Variants in PRKCQ observed in about 807,000 individuals in gnomAD.
The protein encoded by PRKCQ is protein kinase C theta.
PRKCQ carries 41 observed loss-of-function variants against 91.2 expected under a neutral mutation model. That is an observed-to-expected ratio of 0.45 (90% confidence interval 0.35 to 0.58). PRKCQ has a LOEUF of 0.58. Ranked by LOEUF, PRKCQ falls within the 20% of genes least tolerant of loss-of-function variation. The pLI is 0.00. For synonymous variants in PRKCQ, 307 were observed against 316.9 expected, an observed-to-expected ratio of 0.97 and a Z score of 0.33; for missense variants, 673 against 896.5, an observed-to-expected ratio of 0.75 and a Z score of 3.18.
chr10:6,455,284 TG>T (rs1371088131), intron 15 of PRKCQ, among the ~76,000 whole-genome samples: 69 of 152,374 alleles, frequency 4.5e-4, no homozygotes, highest in African/African-American at 1.4e-3. Flanking sequence ...CCTGTATCTG[TG>T]CCAAACTGAA....
intron 8 of PRKCQ, chr10:6,489,578 G>A: frequency 2.2e-6 from 1 of 447,286 alleles, no homozygotes; most frequent in Admixed American, 2.5e-5. Flanking sequence ...GAGAGCTGGA[G>A]AAGAGGGCGA....
chr10:6,401,534 C>T, the PRKCQ span, among the ~76,000 whole-genome samples: 1 of 151,470 alleles, frequency 6.6e-6, no homozygotes, highest in Non-Finnish European at 1.5e-5. Flanking sequence ...AAATATTGAT[C>T]CATTTTCGTG....
At chr10:6,495,699 C>T (rs953161793) in intron 7 of PRKCQ, among the ~76,000 whole-genome samples, 2 of 151,940 alleles carry the variant, frequency 1.3e-5, no homozygotes, top group African/African-American at 4.8e-5. Context: ...AATCAGATAC[C>T]CAGTGAGGAT....
intron 16 of PRKCQ, among the ~76,000 whole-genome samples, chr10:6,441,629 G>A (rs759347634): frequency 3.4e-4 from 52 of 152,116 alleles, no homozygotes; most frequent in Non-Finnish European, 7.1e-4. Flanking sequence ...ATCTCCAGGT[G>A]AGCGTATTCA....
At position 6,483,420 on chromosome 10, in the gene PRKCQ, T is replaced by C; in HGVS notation, c.1179+20A>G. 1 of 1,614,004 alleles carries C rather than the reference T, an allele frequency of 6.2e-7. No homozygotes were observed. Among genetic ancestry groups the C allele is most frequent in the Non-Finnish European group, 8.5e-7 (1 of 1,179,940 alleles). ...AGTTCCTGGAGTTGGGCCATAGCAT[T>C]CTCCCGTGCATTAGCTTACCTTGCC... is the stretch of plus-strand genomic sequence containing the variant. On this transcript the variant is annotated intron_variant, in intron 11 of 17. Coordinates refer to ENST00000263125, the MANE Select transcript of PRKCQ (RefSeq NM_006257.5).
chr10:6,531,092 C>T (rs1293557678), intron 1 of PRKCQ, among the ~76,000 whole-genome samples: 1 of 152,146 alleles, frequency 6.6e-6, no homozygotes, highest in East Asian at 1.9e-4. Context: ...ACAGCAACAT[C>T]AGCATCCCTG....
Position 6,544,781 on chromosome 10 carries a change from T to C in PRKCQ, c.-9-29637A>G, listed in dbSNP as rs543326479. ...GACAACAGGCACGTACCACCGCACC[T>C]GGCTAAATTTTTATATTTTTAGTAG... On this transcript the variant is annotated intron_variant, in intron 1 of 17. Coordinates refer to ENST00000263125, the MANE Select transcript of PRKCQ (RefSeq NM_006257.5). 8.3e-4 allele frequency among the ~76,000 whole-genome samples: 127 copies of C among 152,136 alleles called. No homozygotes were observed. In the Middle Eastern group the frequency reaches 0.014, roughly 16 times the overall value.
Position 6,428,221 on chromosome 10 carries a change from G to T in PRKCQ, c.2107C>A (p.Arg703=), listed in dbSNP as rs375649181. 1 of 1,614,116 alleles carries T rather than the reference G, an allele frequency of 6.2e-7. No individual in the cohort carries two copies. Among genetic ancestry groups the T allele is most frequent in the Non-Finnish European group, 8.5e-7 (1 of 1,180,028 alleles). ...AGGGGCAAGATTCAGGATATCAGCC[G>T]CTCCATCCCGGGGTTCATGAAGGAA... ...NFSFMNPGME[R]LIS The change falls in exon 18 of 18, where the codon CGG becomes AGG. Residue 703 remains arginine, a synonymous_variant. Transcript: ENST00000263125.
chr10:6,530,970 T>C (rs1463099820), intron 1 of PRKCQ, among the ~76,000 whole-genome samples: 1 of 152,214 alleles, frequency 6.6e-6, no homozygotes, highest in Non-Finnish European at 1.5e-5. Context: ...GGAGGCCTAA[T>C]TTCTGAATTC....
intron 1 of PRKCQ, among the ~76,000 whole-genome samples, chr10:6,535,051 T>C (rs894606925): frequency 5.3e-5 from 8 of 152,102 alleles, no homozygotes; most frequent in Non-Finnish European, 1.2e-4. Flanking sequence ...AAGGGAAAAA[T>C]GGATGTGTAC....
At chr10:6,433,781 G>A (rs1219344451) in intron 16 of PRKCQ, among the ~76,000 whole-genome samples, 6 of 151,986 alleles carry the variant, frequency 3.9e-5, no homozygotes, top group African/African-American at 4.8e-5. Context: ...CTGTAATCCC[G>A]TCACTTTGGG....
At chr10:6,498,148 G>GC (rs369704368) in intron 5 of PRKCQ, among the ~76,000 whole-genome samples, 37 of 150,970 alleles carry the variant, frequency 2.5e-4, no homozygotes, top group African/African-American at 8.8e-4. Flanking sequence ...ACCCCCAATA[G>GC]CCCCCCCATT....
chr10:6,439,205 T>C (rs564775924), intron 16 of PRKCQ, among the ~76,000 whole-genome samples: 21 of 152,318 alleles, frequency 1.4e-4, no homozygotes, highest in South Asian at 6.2e-4. Context: ...CAGAGCCCAG[T>C]TTCCACCTGT....
At chr10:6,568,400 T>A (rs1588433476) in intron 1 of PRKCQ, among the ~76,000 whole-genome samples, 1 of 152,262 alleles carries the variant, frequency 6.6e-6, no homozygotes, top group East Asian at 1.9e-4. Flanking sequence ...TTTTGCTATG[T>A]CTACATTTTA....
At chr10:6,442,668 T>G (rs1445916039) in intron 15 of PRKCQ, among the ~76,000 whole-genome samples, 1 of 152,112 alleles carries the variant, frequency 6.6e-6, no homozygotes, top group African/African-American at 2.4e-5. Flanking sequence ...GATAGCAAAG[T>G]GCTCAAATCT....
chr10:6,410,963 T>G, the PRKCQ span, among the ~76,000 whole-genome samples: 2 of 119,134 alleles, frequency 1.7e-5, no homozygotes, highest in African/African-American at 3.3e-5. Context: ...GGCGACAGAG[T>G]GAGATTCCGT....
intron 1 of PRKCQ, among the ~76,000 whole-genome samples, chr10:6,540,290 A>G (rs2130914901): frequency 6.6e-6 from 1 of 152,344 alleles, no homozygotes; most frequent in East Asian, 1.9e-4. Flanking sequence ...AGTGACATTC[A>G]TACATTCACA....
chr10:6,451,592 C>T (rs1834682463), intron 15 of PRKCQ, among the ~76,000 whole-genome samples: 1 of 152,148 alleles, frequency 6.6e-6, no homozygotes, highest in Non-Finnish European at 1.5e-5. Context: ...CCAGCATCAT[C>T]CTGATACCAA....
At chr10:6,435,288 C>A (rs957297441) in intron 16 of PRKCQ, among the ~76,000 whole-genome samples, 6 of 152,196 alleles carry the variant, frequency 3.9e-5, no homozygotes, top group Non-Finnish European at 8.8e-5. Flanking sequence ...TGAAATGCTG[C>A]TATCCTCAGC....
Sources: allele counts gnomAD v4.1 joint callset (sites outside exome capture counted in the v4.1 genomes callset), GRCh38; gene constraint gnomAD v4.1.1; transcripts MANE v1.5; gene names NCBI Gene and HGNC (gene_info 2026-07-23, HGNC 2026-07-21).